The following SLCO3A1 variants were observed in gnomAD, a reference collection of about 807,000 sequenced individuals.
The protein encoded by SLCO3A1 is solute carrier organic anion transporter family member 3A1, also known as PGE1 transporter.
A neutral mutation model predicts 63.1 loss-of-function variants in SLCO3A1; 27 were observed. The observed-to-expected ratio is 0.43, with a 90% confidence interval of 0.32 to 0.59. The LOEUF is 0.59. Among genes scored for constraint, SLCO3A1 ranks in the 20% least tolerant of loss-of-function variants. SLCO3A1 has a pLI of 0.09. For synonymous variants in SLCO3A1, 473 were observed against 409.9 expected, an observed-to-expected ratio of 1.15 and a Z score of -1.86; for missense variants, 773 against 945.8, an observed-to-expected ratio of 0.82 and a Z score of 2.40.
rs1900258992 is a variant in SLCO3A1, at chr15:91,957,117, A to ATATATATACTATATAT, written c.646+40667_646+40668insCTATATATTATATATA. 5.6e-4 allele frequency among the ~76,000 whole-genome samples: 2 copies of ATATATATACTATATAT among 3,570 alleles called. 1 individual carries two copies. 2.3% of individuals were successfully genotyped at this position (3,570 alleles called of 152,430 possible). ...AATATATATAATATATATATATATA[A>ATATATATACTATATAT]TATATATAATATATATACTATATAT... On this transcript the variant is annotated intron_variant, in intron 2 of 9. Transcript: ENST00000318445.
chr15:91,901,762 G>T (rs1898163145), intron 1 of SLCO3A1, among the ~76,000 whole-genome samples: 1 of 152,064 alleles, frequency 6.6e-6, no homozygotes, highest in Non-Finnish European at 1.5e-5. Context: ...ATTTTCTGTG[G>T]GTCTTTGCCT....
chr15:91,969,182 G>A (rs763767966), intron 2 of SLCO3A1, among the ~76,000 whole-genome samples: 1 of 152,142 alleles, frequency 6.6e-6, no homozygotes, highest in African/African-American at 2.4e-5. Context: ...GATATTTGTC[G>A]AATGAATGAG....
At chr15:92,125,318 C>T (rs1036290574) in intron 5 of SLCO3A1, among the ~76,000 whole-genome samples, 12 of 152,144 alleles carry the variant, frequency 7.9e-5, no homozygotes, top group African/African-American at 2.2e-4. Flanking sequence ...GCAAAACCAA[C>T]GCAGGAGCTT....
chr15:91,921,358 A>G, intron 2 of SLCO3A1, among the ~76,000 whole-genome samples: 1 of 152,180 alleles, frequency 6.6e-6, no homozygotes, highest in East Asian at 1.9e-4. Context: ...AGTCAGTCAC[A>G]TGCTGATGTA....
rs565382357 is a variant in SLCO3A1, at chr15:92,021,093, A to G, written c.647-73788A>G. Among the ~76,000 whole-genome samples the G allele has an allele frequency of 3.3e-5, 5 of 152,280 alleles. No individual in the cohort carries two copies. The East Asian group carries it at 9.7e-4, about 29-fold the overall frequency. ...CGGGTTTTCCCAGACATGTCTAAGT[A>G]CTCAACAAATGGCAGCCACTATCCC... is the stretch of plus-strand genomic sequence containing the variant. On this transcript the variant is annotated intron_variant, in intron 2 of 9. Coordinates refer to ENST00000318445, the MANE Select transcript of SLCO3A1 (RefSeq NM_013272.4).
chr15:92,119,354 C>G (rs2047833276), intron 4 of SLCO3A1, among the ~76,000 whole-genome samples: 1 of 152,174 alleles, frequency 6.6e-6, no homozygotes, highest in South Asian at 2.1e-4. Flanking sequence ...GAATGAAGTA[C>G]AAGACCTCAA....
At position 91,959,383 on chromosome 15, in the gene SLCO3A1, C is replaced by T. The variant is rs142251675; in HGVS notation, c.646+42925C>T. Among the ~76,000 whole-genome samples, 15 of 151,774 alleles carry T rather than the reference C, an allele frequency of 9.9e-5. No individual in the cohort carries two copies. In the South Asian group the frequency reaches 2.3e-3, roughly 23 times the overall value. ...TCTCAGAACTGACCACTAAAGAACTCGTTCATGTAATGAAAAACCACTGGT... is the reference window on the plus strand; with the variant it reads ...TCTCAGAACTGACCACTAAAGAACTTGTTCATGTAATGAAAAACCACTGGT... On this transcript the variant is annotated intron_variant, in intron 2 of 9. Coordinates refer to ENST00000318445, the MANE Select transcript of SLCO3A1 (RefSeq NM_013272.4).
intron 1 of SLCO3A1, among the ~76,000 whole-genome samples, chr15:91,855,253 C>T (rs7179294): frequency 6.6e-6 from 1 of 151,884 alleles, no homozygotes; most frequent in African/African-American, 2.4e-5. Context: ...GAGGGCCAGA[C>T]GCTGGGGGCT....
chr15:92,168,816 G>T (rs962971796), downstream of SLCO3A1, among the ~76,000 whole-genome samples: 2 of 152,172 alleles, frequency 1.3e-5, no homozygotes, highest in Non-Finnish European at 2.9e-5. Context: ...CTTGTGTGAC[G>T]TGGCGGATTT....
chr15:92,062,601 C>T (rs2047100126), intron 2 of SLCO3A1, among the ~76,000 whole-genome samples: 2 of 152,172 alleles, frequency 1.3e-5, no homozygotes, highest in Non-Finnish European at 2.9e-5. Context: ...ACTGGTTGGC[C>T]TGAAGAGTGA....
At chr15:92,083,426 A>G (rs532738593) in intron 2 of SLCO3A1, among the ~76,000 whole-genome samples, 160 of 152,198 alleles carry the variant, frequency 1.1e-3, no homozygotes, top group African/African-American at 3.7e-3. Flanking sequence ...AAGGGATCTG[A>G]GCAGAGGTTT....
intron 1 of SLCO3A1, among the ~76,000 whole-genome samples, chr15:91,878,548 A>G (rs752624457): frequency 6.6e-6 from 1 of 152,174 alleles, no homozygotes; most frequent in Non-Finnish European, 1.5e-5. Context: ...ATGATGGGAC[A>G]CTTGAAGCTT....
intron 4 of SLCO3A1, among the ~76,000 whole-genome samples, chr15:92,119,025 G>A (rs1039941796): frequency 1.3e-5 from 2 of 152,136 alleles, no homozygotes; most frequent in African/African-American, 4.8e-5. Context: ...ATGAAACCAC[G>A]CATTCGATGT....
intron 7 of SLCO3A1, among the ~76,000 whole-genome samples, chr15:92,128,959 T>C (rs924054843): frequency 2.0e-5 from 3 of 152,264 alleles, no homozygotes; most frequent in African/African-American, 7.2e-5. Context: ...CTCCCACCTC[T>C]TTCCATGTTC....
chr15:92,166,573 A>G (rs1418129905), downstream of SLCO3A1, among the ~76,000 whole-genome samples: 7 of 152,264 alleles, frequency 4.6e-5, no homozygotes, highest in South Asian at 1.5e-3. Flanking sequence ...ACACTATGGC[A>G]GGGCTTCCCA....
At position 91,973,562 on chromosome 15, in the gene SLCO3A1, C is replaced by T. The variant is rs563469077; in HGVS notation, c.646+57104C>T. On this transcript the variant is annotated intron_variant, in intron 2 of 9. Transcript: ENST00000318445. Reference sequence around the variant, plus strand: ...TTTGAAGGGAATGAAGTTGAGTGAGCGATTGCAGGATTCGAGGGCGAGTTA... The same window carrying T: ...TTTGAAGGGAATGAAGTTGAGTGAGTGATTGCAGGATTCGAGGGCGAGTTA... Among the ~76,000 whole-genome samples, 11 of 152,166 alleles carry T rather than the reference C, an allele frequency of 7.2e-5. No individual in the cohort carries two copies. In the South Asian group the frequency reaches 2.1e-3, roughly 29 times the overall value.
intron 2 of SLCO3A1, among the ~76,000 whole-genome samples, chr15:92,048,324 T>C (rs900236896): frequency 6.6e-6 from 1 of 152,082 alleles, no homozygotes; most frequent in East Asian, 1.9e-4. Context: ...GCCGTCCCTC[T>C]CTCTCCTCTC....
At chr15:91,899,479 A>G (rs892313544) in intron 1 of SLCO3A1, among the ~76,000 whole-genome samples, 1 of 152,188 alleles carries the variant, frequency 6.6e-6, no homozygotes, top group Non-Finnish European at 1.5e-5. Flanking sequence ...AGATGTATGT[A>G]GTTCCAACGT....
At chr15:92,022,945 G>C (rs189624276) in intron 2 of SLCO3A1, among the ~76,000 whole-genome samples, 1 of 151,974 alleles carries the variant, frequency 6.6e-6, no homozygotes, top group African/African-American at 2.4e-5. Context: ...TCAGGGAGTC[G>C]TGGGATTCTG....
Sources: gnomAD v4.1 joint callset for allele counts (sites outside exome capture counted in the v4.1 genomes callset) on GRCh38, gnomAD v4.1.1 for gene constraint, MANE v1.5 for transcripts, NCBI Gene and HGNC (gene_info 2026-07-23, HGNC 2026-07-21) for gene names.